Variants in ADAM18 observed in about 807,000 individuals in gnomAD.
ADAM18 encodes ADAM metallopeptidase domain 18.
Under a neutral mutation model 94.4 loss-of-function variants are expected in ADAM18, and 117 were observed. The ratio of observed to expected loss-of-function variants is 1.24; its 90% CI spans 1.07 to 1.45. The LOEUF (loss-of-function observed/expected upper bound fraction) is 1.45, where lower values mean the gene tolerates loss of function less well. Among genes scored for constraint, ADAM18 ranks in the 40% most tolerant of loss-of-function variants. The pLI is 0.00. For missense variants in ADAM18, 936 were observed against 880.0 expected (o/e 1.06, Z -0.81); for synonymous variants, 327 against 291.6 (o/e 1.12, Z -1.24).
At chr8:39,706,746 A>G (rs201964214) in intron 17 of ADAM18, 44 bp from the exon 18 acceptor site, 1,317 of 1,095,794 alleles carry the variant, frequency 1.2e-3, no homozygotes, top group Non-Finnish European at 1.7e-3. Flanking sequence ...ATCAGATACA[A>G]AGACTAAGAC....
chr8:39,636,753 T>C (rs933638166), intron 7 of ADAM18, among the ~76,000 whole-genome samples: 11 of 151,784 alleles, frequency 7.2e-5, no homozygotes, highest in Admixed American at 4.6e-4. Flanking sequence ...AACCCAAACT[T>C]TGTATCCTAT....
In ADAM18 at chr8:39,646,819, T is replaced by C. The variant is rs185184018; in HGVS notation, c.1046+1345T>C. Among the ~76,000 whole-genome samples the C allele has an allele frequency of 8.5e-4, 130 of 152,270 alleles. 1 individual carries two copies. The South Asian group carries it at 9.7e-3, about 11-fold the overall frequency. On this transcript the variant is annotated intron_variant, in intron 11 of 19. Transcript: ENST00000265707. The stretch of plus-strand genomic sequence containing the variant: ...AACTTAGGTAATATGAGATGAAATT[T>C]TGAAAATAAAAATTAATGAAGCTTA...
chr8:39,609,685 C>T lies in ADAM18; in HGVS notation c.344+124C>T, dbSNP rs374442109. On this transcript the variant is annotated intron_variant, in intron 5 of 19. Transcript: ENST00000265707. ...GAAATCAAAATGGAAAGTTTTCTTT[C>T]TAACAGCTTTATTCTATTTGTATTA... is the stretch of plus-strand genomic sequence containing the variant. 2.0e-4 allele frequency: 125 copies of T among 621,710 alleles called. 1 individual carries two copies. In the Middle Eastern group the frequency reaches 2.6e-3, roughly 13 times the overall value. 38.5% of individuals were successfully genotyped at this position (621,710 alleles called of 1,614,324 possible).
intron 6 of ADAM18, among the ~76,000 whole-genome samples, chr8:39,621,210 A>G (rs1011426713): frequency 4.6e-5 from 7 of 152,112 alleles, no homozygotes; most frequent in Admixed American, 2.0e-4. Context: ...ATCACTACCC[A>G]TTAGAAAAAT....
At chr8:39,717,821 T>G (rs536809746) in intron 18 of ADAM18, among the ~76,000 whole-genome samples, 1 of 151,694 alleles carries the variant, frequency 6.6e-6, no homozygotes, top group South Asian at 2.1e-4. Context: ...GATAAAGAGT[T>G]AATATCCAAA....
intron 12 of ADAM18, among the ~76,000 whole-genome samples, chr8:39,658,757 A>G (rs1026550995): frequency 2.0e-5 from 3 of 152,298 alleles, no homozygotes; most frequent in Non-Finnish European, 4.4e-5. Context: ...ACCACTGCTG[A>G]GATTTCTTTC....
At chr8:39,705,971 A>C (rs1032697411) in intron 17 of ADAM18, among the ~76,000 whole-genome samples, 13 of 152,162 alleles carry the variant, frequency 8.5e-5, no homozygotes, top group Non-Finnish European at 1.8e-4. Flanking sequence ...ACGTGTATTT[A>C]TAAATGCATT....
chr8:39,680,760 C>T (rs1461911622), intron 16 of ADAM18, among the ~76,000 whole-genome samples: 1 of 152,104 alleles, frequency 6.6e-6, no homozygotes, highest in Non-Finnish European at 1.5e-5. Context: ...GCTTTAGAGA[C>T]TTGGTTAATC....
intron 9 of ADAM18, 133 bp downstream of exon 9, chr8:39,637,836 T>G: frequency 2.9e-6 from 2 of 683,374 alleles, no homozygotes; most frequent in Non-Finnish European, 4.4e-6. Context: ...GCCTTTGTCA[T>G]AGAGGTGCTA....
In ADAM18 at chr8:39,645,455, A is replaced by G. The variant is rs1820352937; in HGVS notation, c.1027A>G (p.Ile343Val). Reference sequence around the variant, plus strand: ...GTGTTTCTGTCTGAGAGCTACATGCATCATGAATCATGAAGCAGTGTAAGA... The same window carrying G: ...GTGTTTCTGTCTGAGAGCTACATGCGTCATGAATCATGAAGCAGTGTAAGA... ...TQCFCLRATC[I>V]MNHEAVSASG... The change falls in exon 11 of 20, where the codon ATC becomes GTC. Residue 343 changes from isoleucine to valine, a missense_variant. By Grantham distance (29) the Ile-to-Val change is conservative. Transcript: ENST00000265707. 4.3e-6 allele frequency: 7 copies of G among 1,610,620 alleles called. No individual in the cohort carries two copies. In the South Asian group the frequency reaches 4.4e-5, roughly 10 times the overall value.
chr8:39,711,979 A>T (rs1398036675), intron 18 of ADAM18, among the ~76,000 whole-genome samples: 3 of 152,118 alleles, frequency 2.0e-5, no homozygotes, highest in African/African-American at 7.2e-5. Flanking sequence ...AAAAATATTA[A>T]AAATGAAGTA....
chr8:39,654,327 C>T (rs1233342986), intron 12 of ADAM18, among the ~76,000 whole-genome samples: 1 of 151,244 alleles, frequency 6.6e-6, no homozygotes, highest in African/African-American at 2.5e-5. Flanking sequence ...GCCTTGGCCT[C>T]CCAAAGTGCT....
At chr8:39,646,404 G>T (rs1820378258) in intron 11 of ADAM18, among the ~76,000 whole-genome samples, 1 of 151,872 alleles carries the variant, frequency 6.6e-6, no homozygotes. Flanking sequence ...AAATAATCAG[G>T]TGAAATTAAT....
intron 7 of ADAM18, 65 bp from the exon 8 acceptor site, chr8:39,637,198 TA>T: frequency 1.6e-6 from 2 of 1,265,410 alleles, no homozygotes; most frequent in Non-Finnish European, 2.2e-6. Context: ...ATACAATGCC[TA>T]AATATCATTT....
intron 2 of ADAM18, among the ~76,000 whole-genome samples, chr8:39,602,866 A>C (rs1277420581): frequency 6.6e-6 from 1 of 151,570 alleles, no homozygotes; most frequent in Non-Finnish European, 1.5e-5. Flanking sequence ...ATATCTAAAA[A>C]CTCATCATCA....
chr8:39,585,479 TGTCTCCTACC>T (rs771547012), intron 2 of ADAM18, 127 bp downstream of exon 2: 10 of 684,404 alleles, frequency 1.5e-5, no homozygotes, highest in Non-Finnish European at 2.0e-5. Flanking sequence ...TGTGCTATTT[TGTCTCCTACC>T]GTGTTTTGAT....
intron 2 of ADAM18, among the ~76,000 whole-genome samples, chr8:39,586,853 T>A (rs567458835): frequency 3.3e-4 from 50 of 152,258 alleles, no homozygotes; most frequent in African/African-American, 1.2e-3. Flanking sequence ...TTACTACTAT[T>A]GTACATTGTC....
At position 39,704,013 on chromosome 8, in the gene ADAM18, A is replaced by G. The variant is rs1039073533; in HGVS notation, c.1903-2777A>G. On this transcript the variant is annotated intron_variant, in intron 17 of 19. Transcript: ENST00000265707. ...TACACTCTCCCAAGAATGAACAAAG[A>G]AGAAATTGAATCATTGAAAAGACCA... Among the ~76,000 whole-genome samples, 5 of 152,168 alleles carry G rather than the reference A, an allele frequency of 3.3e-5. No homozygotes were observed. In the East Asian group the frequency reaches 9.6e-4, roughly 29 times the overall value.
intron 12 of ADAM18, among the ~76,000 whole-genome samples, chr8:39,662,956 T>C (rs990079568): frequency 3.9e-5 from 6 of 152,210 alleles, no homozygotes; most frequent in African/African-American, 1.4e-4. Flanking sequence ...TGCCATTTAC[T>C]TTTTAAAAAT....
Sources: allele counts gnomAD v4.1 joint callset (sites outside exome capture counted in the v4.1 genomes callset), GRCh38; gene constraint gnomAD v4.1.1; transcripts MANE v1.5; gene names NCBI Gene and HGNC (gene_info 2026-07-23, HGNC 2026-07-21).